The following EFCAB11 variants were observed in gnomAD, a reference collection of about 807,000 sequenced individuals.
EFCAB11 encodes the protein EF-hand calcium-binding domain-containing protein 11.
In EFCAB11, 14 loss-of-function variants were observed where a neutral mutation model predicts 23.0. That is an observed-to-expected ratio of 0.61 (90% CI 0.40 to 0.95). The LOEUF (loss-of-function observed/expected upper bound fraction) is 0.95, where lower values mean the gene tolerates loss of function less well. Ranked by LOEUF, EFCAB11 falls within the 40% of genes least tolerant of loss-of-function variation. EFCAB11 has a pLI of 0.00. For synonymous variants in EFCAB11, 65 were observed against 66.6 expected, an observed-to-expected ratio of 0.98 and a Z score of 0.11; for missense variants, 198 against 195.8, an observed-to-expected ratio of 1.01 and a Z score of -0.07.
chr14:89,836,830 C>A (rs1195151116), intron 5 of EFCAB11, among the ~76,000 whole-genome samples: 2 of 152,064 alleles, frequency 1.3e-5, no homozygotes, highest in Non-Finnish European at 2.9e-5. Context: ...ACCAGCCTGG[C>A]CAACATGGTA....
At chr14:89,893,472 G>T (rs1889047377) in intron 5 of EFCAB11, among the ~76,000 whole-genome samples, 1 of 152,044 alleles carries the variant, frequency 6.6e-6, no homozygotes, top group Non-Finnish European at 1.5e-5. Flanking sequence ...CCTCTCCCCA[G>T]CTGCTGAAGT....
At chr14:89,863,145 A>C (rs531964936) in intron 5 of EFCAB11, among the ~76,000 whole-genome samples, 1 of 152,200 alleles carries the variant, frequency 6.6e-6, no homozygotes, top group Admixed American at 6.5e-5. Flanking sequence ...GGAAATAACT[A>C]AAAGGGAAGA....
chr14:89,836,544 C>G (rs761300946), intron 5 of EFCAB11: 2 of 456,490 alleles, frequency 4.4e-6, no homozygotes, highest in Middle Eastern at 3.2e-4. Flanking sequence ...CCATGGGGAG[C>G]AGGGCTAGGG....
chr14:89,834,398 A>AAAAC (rs1887001264), intron 5 of EFCAB11, among the ~76,000 whole-genome samples: 1 of 145,184 alleles, frequency 6.9e-6, no homozygotes, highest in African/African-American at 2.5e-5. Context: ...AAAAAAAAAA[A>AAAAC]AAAAACCTTT....
intron 5 of EFCAB11, among the ~76,000 whole-genome samples, chr14:89,864,032 C>T (rs558901857): frequency 1.3e-4 from 20 of 152,270 alleles, no homozygotes; most frequent in African/African-American, 4.8e-4. Context: ...TAAAATTATT[C>T]TAATATAACC....
intron 5 of EFCAB11, among the ~76,000 whole-genome samples, chr14:89,854,862 C>T (rs1336977572): frequency 3.9e-5 from 6 of 152,136 alleles, no homozygotes; most frequent in Admixed American, 3.9e-4. Context: ...CCTGCTCTTC[C>T]ACCACTACTT....
At chr14:89,949,276 T>TA (rs764906706) in intron 3 of EFCAB11, among the ~76,000 whole-genome samples, 2 of 151,110 alleles carry the variant, frequency 1.3e-5, no homozygotes, top group African/African-American at 2.4e-5. Context: ...AATTAAAAAT[T>TA]AAAAAAAAAT....
chr14:89,915,039 A>C lies in EFCAB11; in HGVS notation c.410+16502T>G, dbSNP rs142237635. Among the ~76,000 whole-genome samples, 285 of 152,260 alleles carry C rather than the reference A, an allele frequency of 1.9e-3. 1 individual carries two copies. The highest frequency in any genetic ancestry group is 0.01 in the Middle Eastern group (3 of 294). ...GGAATATATTAATGGTTAAAAAAAAACACATAGTAATAATAACGCAAGTCA... is the reference window on the plus strand; with the variant it reads ...GGAATATATTAATGGTTAAAAAAAACCACATAGTAATAATAACGCAAGTCA... On this transcript the variant is annotated intron_variant, in intron 5 of 5. Transcript: ENST00000316738.
At chr14:89,885,530 T>C (rs947307842) in intron 5 of EFCAB11, among the ~76,000 whole-genome samples, 1 of 151,672 alleles carries the variant, frequency 6.6e-6, no homozygotes, top group Non-Finnish European at 1.5e-5. Context: ...TACAGAAAAT[T>C]AGCCAGGCGT....
intron 5 of EFCAB11, among the ~76,000 whole-genome samples, chr14:89,810,635 A>G (rs1172053763): frequency 2.6e-5 from 4 of 152,058 alleles, no homozygotes; most frequent in African/African-American, 9.7e-5. Flanking sequence ...GGGCACCTGT[A>G]ATCCCAGCTA....
intron 3 of EFCAB11, among the ~76,000 whole-genome samples, chr14:89,938,895 C>T (rs1890685703): frequency 6.6e-6 from 1 of 150,750 alleles, no homozygotes; most frequent in African/African-American, 2.4e-5. Flanking sequence ...GCCAAGACCG[C>T]GCCACTGCAC....
chr14:89,844,040 G>A (rs1887352614), intron 5 of EFCAB11, among the ~76,000 whole-genome samples: 1 of 152,178 alleles, frequency 6.6e-6, no homozygotes, highest in Non-Finnish European at 1.5e-5. Flanking sequence ...ACTAAAGGCT[G>A]AATAACAGTA....
intron 5 of EFCAB11, among the ~76,000 whole-genome samples, chr14:89,864,394 C>G (rs1888021720): frequency 6.6e-6 from 1 of 152,076 alleles, no homozygotes. Context: ...GTTTCTTTCT[C>G]TTTTTCCCTT....
At chr14:89,934,761 T>C (rs1170535280) in intron 3 of EFCAB11, among the ~76,000 whole-genome samples, 3 of 152,218 alleles carry the variant, frequency 2.0e-5, no homozygotes, top group African/African-American at 7.2e-5. Flanking sequence ...AATTGAAGTC[T>C]AGCTATGCCA....
chr14:89,902,207 G>A (rs1889361359), intron 5 of EFCAB11, among the ~76,000 whole-genome samples: 2 of 152,036 alleles, frequency 1.3e-5, no homozygotes, highest in African/African-American at 4.8e-5. Flanking sequence ...TCCTCTTTCT[G>A]GATGGCTCTT....
chr14:89,870,000 C>T (rs370021756), intron 5 of EFCAB11, among the ~76,000 whole-genome samples: 3 of 152,322 alleles, frequency 2.0e-5, no homozygotes, highest in African/African-American at 7.2e-5. Context: ...CTTGAAGAAT[C>T]CTTCTTTCTC....
At chr14:89,878,245 C>T (rs929085830) in intron 5 of EFCAB11, among the ~76,000 whole-genome samples, 4 of 152,116 alleles carry the variant, frequency 2.6e-5, no homozygotes, top group African/African-American at 7.2e-5. Flanking sequence ...GTTTGTATTG[C>T]TTTTAGTTTT....
At chr14:89,818,149 A>G (rs1305356918) in intron 5 of EFCAB11, among the ~76,000 whole-genome samples, 1 of 152,216 alleles carries the variant, frequency 6.6e-6, no homozygotes, top group Non-Finnish European at 1.5e-5. Context: ...TAACTCTATA[A>G]CAATAATTCA....
rs531353619 is a variant in EFCAB11, at chr14:89,842,960, TA to T, written c.411-45637del. The stretch of plus-strand genomic sequence containing the variant: ...GACACTAATTCGTCCTGGAAGTTTC[TA>T]AACAGGGTGAGGTGCTCCCATATCA... On this transcript the variant is annotated intron_variant, in intron 5 of 5. Coordinates refer to ENST00000316738, the MANE Select transcript of EFCAB11 (RefSeq NM_145231.4). 3.3e-3 allele frequency among the ~76,000 whole-genome samples: 506 copies of T among 152,296 alleles called. 3 individuals carry two copies. The highest frequency in any genetic ancestry group is 0.011 in the African/African-American group (469 of 41,550).
Sources: allele counts gnomAD v4.1 joint callset (sites outside exome capture counted in the v4.1 genomes callset), GRCh38; gene constraint gnomAD v4.1.1; transcripts MANE v1.5; gene names NCBI Gene and HGNC (gene_info 2026-07-23, HGNC 2026-07-21).